The following XKR5 variants were observed in gnomAD, a reference collection of about 807,000 sequenced individuals.
The protein encoded by XKR5 is XK related 5.
XKR5 carries 46 observed loss-of-function variants against 40.8 expected under a neutral mutation model. The ratio of observed to expected loss-of-function variants is 1.13; its 90% CI spans 0.89 to 1.44. The LOEUF (loss-of-function observed/expected upper bound fraction) is 1.44. Among genes scored for constraint, XKR5 ranks in the 40% most tolerant of loss-of-function variants. The pLI, the probability that XKR5 is intolerant of heterozygous loss-of-function variation, is 0.00. For missense variants in XKR5, 1,169 were observed against 844.7 expected (o/e 1.38, Z -4.76); for synonymous variants, 466 against 356.1 (o/e 1.31, Z -3.48).
At position 6,823,703 on chromosome 8, in the gene XKR5, G is replaced by T. The variant is rs1388428958; in HGVS notation, c.455C>A (p.Ser152Ter). 10 of 1,585,722 alleles carry T rather than the reference G, an allele frequency of 6.3e-6. No homozygotes were observed. Among genetic ancestry groups the T allele is most frequent in the African/African-American group, 1.3e-5 (1 of 74,330 alleles). ...PGVSTLFSWS[S>*]LSWALVSYTR... is the part of the protein sequence containing the mutation. ...GTAGGACACCAGTGCCCAGGAGAGT[G>T]AGGACCAGGAAAACAGGGTGCTCAC... The change falls in exon 4 of 7, where the codon TCA becomes TAA. Residue 152 changes from serine to a stop codon, truncating the protein, a stop_gained. Coordinates refer to ENST00000618742, the MANE Select transcript of XKR5 (RefSeq NM_207411.5). LOFTEE classifies it high-confidence loss of function.
intron 5 of XKR5, among the ~76,000 whole-genome samples, chr8:6,820,199 AG>A (rs1453416407): frequency 2.0e-5 from 3 of 152,264 alleles, no homozygotes; most frequent in Admixed American, 1.3e-4. Context: ...TAGGGATCCA[AG>A]CCCCCGGGCT....
chr8:6,826,931 C>T (rs1563359984), intron 2 of XKR5, among the ~76,000 whole-genome samples: 1 of 152,126 alleles, frequency 6.6e-6, no homozygotes, highest in Admixed American at 6.5e-5. Flanking sequence ...GGTGGTCCTC[C>T]GAGGCTCTCG....
At chr8:6,825,379 G>A in intron 2 of XKR5, 30 bp from the exon 3 acceptor site, 1 of 1,490,278 alleles carries the variant, frequency 6.7e-7, no homozygotes, top group Non-Finnish European at 8.9e-7. Flanking sequence ...ACGTGACACG[G>A]AGCCAGGCTG....
At chr8:6,834,438 G>A (rs1440632161) in intron 1 of XKR5, among the ~76,000 whole-genome samples, 2 of 152,236 alleles carry the variant, frequency 1.3e-5, no homozygotes, top group Non-Finnish European at 2.9e-5. Flanking sequence ...GTGCTGCAGG[G>A]CTGGGGAATG....
At chr8:6,815,319 C>G (rs561500087) in intron 6 of XKR5, among the ~76,000 whole-genome samples, 1 of 152,186 alleles carries the variant, frequency 6.6e-6, no homozygotes, top group Non-Finnish European at 1.5e-5. Flanking sequence ...CAGGCCTGCA[C>G]TGGAGCTGGG....
chr8:6,826,302 A>G (rs1177472868), intron 2 of XKR5, among the ~76,000 whole-genome samples: 1 of 151,908 alleles, frequency 6.6e-6, no homozygotes, highest in Non-Finnish European at 1.5e-5. Flanking sequence ...GTATGTGTGC[A>G]GTGTGTATCT....
In XKR5 at chr8:6,831,848, G is replaced by A. The variant is rs140375501; in HGVS notation, c.242+869C>T. On this transcript the variant is annotated intron_variant, in intron 2 of 6. Transcript: ENST00000618742. ...GGCTAACCCAGTGAAACCCTGTTTC[G>A]ACTAAAAATACAAAAAATTAGCCGG... Among the ~76,000 whole-genome samples the A allele has an allele frequency of 4.6e-5, 7 of 151,818 alleles. No individual in the cohort carries two copies. The South Asian group carries it at 8.3e-4, about 18-fold the overall frequency.
chr8:6,823,504 T>A lies in XKR5; in HGVS notation c.637+17A>T. On this transcript the variant is annotated intron_variant, in intron 4 of 6. Transcript: ENST00000618742. The stretch of plus-strand genomic sequence containing the variant: ...GGTTATGCAGCAACAGATGACCAGA[T>A]CATTAGCTCAGCTCACCTGCAACCA... 1.3e-6 allele frequency: 2 copies of A among 1,568,596 alleles called. No homozygotes were observed. Among genetic ancestry groups the A allele is most frequent in the Non-Finnish European group, 1.7e-6 (2 of 1,156,088 alleles).
intron 1 of XKR5, among the ~76,000 whole-genome samples, chr8:6,834,048 C>T (rs1217907985): frequency 6.6e-6 from 1 of 152,192 alleles, no homozygotes; most frequent in Non-Finnish European, 1.5e-5. Context: ...ACAGCTCTCT[C>T]TGTGGGGTCC....
intron 5 of XKR5, among the ~76,000 whole-genome samples, chr8:6,817,612 A>T (rs1272409046): frequency 6.6e-6 from 1 of 152,256 alleles, no homozygotes; most frequent in African/African-American, 2.4e-5. Context: ...GAGAAAGCGC[A>T]GTGCTGCCAG....
chr8:6,823,718 A>T lies in XKR5; in HGVS notation c.440T>A (p.Leu147Gln). ...CCAGGAGAGTGAGGACCAGGAAAAC[A>T]GGGTGCTCACCCCTGAAAGGGAAGC... ...FTDIVPGVST[L>Q]FSWSSLSWAL... The change falls in exon 4 of 7, where the codon CTG (leucine) becomes CAG (glutamine). Residue 147 changes from leucine to glutamine, a missense_variant. Physicochemically the swap from Leu to Gln is moderately radical, Grantham distance 113 (BLOSUM62 -2). Coordinates refer to ENST00000618742, the MANE Select transcript of XKR5 (RefSeq NM_207411.5). 6.3e-7 allele frequency: 1 copy of T among 1,579,818 alleles called. No individual in the cohort carries two copies.
At chr8:6,816,694 A>G (rs1055988963) in intron 5 of XKR5, among the ~76,000 whole-genome samples, 5 of 147,082 alleles carry the variant, frequency 3.4e-5, no homozygotes, top group Non-Finnish European at 7.5e-5. Flanking sequence ...TTAATTAAAA[A>G]TAATTTAATT....
chr8:6,830,066 T>G (rs1398799464), intron 2 of XKR5, among the ~76,000 whole-genome samples: 1 of 151,900 alleles, frequency 6.6e-6, no homozygotes, highest in African/African-American at 2.4e-5. Flanking sequence ...CTGGATCTCC[T>G]GACCTCGTGA....
intron 2 of XKR5, among the ~76,000 whole-genome samples, chr8:6,831,824 G>C (rs1346371374): frequency 1.3e-5 from 2 of 152,052 alleles, no homozygotes; most frequent in East Asian, 3.9e-4. Flanking sequence ...GACGATGCTG[G>C]CTAACCCAGT....
chr8:6,828,757 G>C (rs1416463623), intron 2 of XKR5, among the ~76,000 whole-genome samples: 1 of 152,150 alleles, frequency 6.6e-6, no homozygotes, highest in Non-Finnish European at 1.5e-5. Context: ...CTGTCTACAG[G>C]CTCATTTGCC....
intron 2 of XKR5, among the ~76,000 whole-genome samples, chr8:6,831,580 C>T (rs1804764875): frequency 6.6e-6 from 1 of 152,182 alleles, no homozygotes; most frequent in African/African-American, 2.4e-5. Context: ...TTGGGAATAG[C>T]TTGCAGGCAT....
intron 5 of XKR5, among the ~76,000 whole-genome samples, chr8:6,818,600 G>T (rs577762167): frequency 2.0e-5 from 3 of 152,374 alleles, no homozygotes; most frequent in Admixed American, 1.3e-4. Context: ...AGGAGGTGAG[G>T]ACAGTTGAGT....
In XKR5 at chr8:6,816,674, ATTAT is replaced by A. The variant is rs71535991; in HGVS notation, c.808-760_808-757del. ...TAATTTATTTTTATTTAATTAAATA[ATTAT>A]TTAATTTAATTAAAAATAATTTAAT... On this transcript the variant is annotated intron_variant, in intron 5 of 6. Coordinates refer to ENST00000618742, the MANE Select transcript of XKR5 (RefSeq NM_207411.5). 5.7e-5 allele frequency among the ~76,000 whole-genome samples: 8 copies of A among 140,304 alleles called. No homozygotes were observed. The East Asian group carries it at 6.7e-4, about 12-fold the overall frequency. The allele number at this position is 140,304 out of a possible 152,430, so 92.0% of individuals were successfully genotyped here.
intron 2 of XKR5, among the ~76,000 whole-genome samples, chr8:6,829,809 G>C (rs953860997): frequency 4.9e-5 from 7 of 142,448 alleles, no homozygotes; most frequent in African/African-American, 1.8e-4. Flanking sequence ...GAGCCGTCAC[G>C]CCAGGCCAAA....
Sources: gnomAD v4.1 joint callset for allele counts (sites outside exome capture counted in the v4.1 genomes callset) on GRCh38, gnomAD v4.1.1 for gene constraint, MANE v1.5 for transcripts, NCBI Gene and HGNC (gene_info 2026-07-23, HGNC 2026-07-21) for gene names.